Variants in NXN observed in about 807,000 individuals in gnomAD.
The protein encoded by NXN is nucleoredoxin.
NXN carries 16 observed loss-of-function variants against 48.6 expected under a neutral mutation model. The ratio of observed to expected loss-of-function variants is 0.33; its 90% CI spans 0.22 to 0.50. NXN has a LOEUF of 0.50. Ranked by LOEUF, NXN falls within the 20% of genes least tolerant of loss-of-function variation. The probability of loss-of-function intolerance (pLI) is 0.98; values close to 1 mark genes in which losing one functional copy is unlikely to be tolerated. For missense variants in NXN, 492 were observed against 605.5 expected (o/e 0.81, Z 1.97); for synonymous variants, 281 against 269.6 (o/e 1.04, Z -0.41).
Position 979,355 on chromosome 17 carries a change from C to A in NXN, c.324G>T (p.Pro108=). 6.5e-7 allele frequency: 1 copy of A among 1,537,882 alleles called. No individual in the cohort carries two copies. Among genetic ancestry groups the A allele is most frequent in the Non-Finnish European group, 8.7e-7 (1 of 1,146,848 alleles). ...RQWQDFVRDM[P]WLALPYKEKH... ...TCTCCTTGTAGGGCAGCGCCAGCCA[C>A]GGCATGTCCCGCACGAAGTCCTGCC... Residue 108 remains proline, a synonymous_variant, in exon 1 of 8, where the codon CCG becomes CCT. Coordinates refer to ENST00000336868, the MANE Select transcript of NXN (RefSeq NM_022463.5).
At chr17:918,568 G>A (rs1319499398) in intron 1 of NXN, among the ~76,000 whole-genome samples, 8 of 152,114 alleles carry the variant, frequency 5.3e-5, no homozygotes, top group African/African-American at 7.2e-5. Context: ...CGAGGCGGGC[G>A]GATCACCTGA....
chr17:934,567 T>G (rs1194039113), intron 1 of NXN, among the ~76,000 whole-genome samples: 2 of 151,944 alleles, frequency 1.3e-5, no homozygotes, highest in African/African-American at 4.8e-5. Context: ...TTCCCAAGTC[T>G]GGCCAAATTC....
intron 1 of NXN, among the ~76,000 whole-genome samples, chr17:871,124 G>A (rs1043777781): frequency 6.6e-6 from 1 of 152,054 alleles, no homozygotes; most frequent in Non-Finnish European, 1.5e-5. Context: ...GCCTCCCAAA[G>A]TGCTGGGATT....
At chr17:882,988 A>T (rs1371712607) in intron 1 of NXN, among the ~76,000 whole-genome samples, 1 of 152,168 alleles carries the variant, frequency 6.6e-6, no homozygotes, top group Non-Finnish European at 1.5e-5. Context: ...TCCTGACCTC[A>T]GGTGATCTGT....
chr17:804,913 T>C (rs190201215), intron 6 of NXN, among the ~76,000 whole-genome samples, 155 bp downstream of exon 6: 20 of 152,224 alleles, frequency 1.3e-4, no homozygotes, highest in East Asian at 7.8e-4. Context: ...GAATAAATCA[T>C]TGGGGTCAAA....
intron 1 of NXN, among the ~76,000 whole-genome samples, chr17:842,092 C>T (rs565362492): frequency 9.7e-4 from 147 of 152,172 alleles, no homozygotes; most frequent in Non-Finnish European, 2.0e-3. Flanking sequence ...GCTGAGATCC[C>T]GCCATTGCAC....
At chr17:975,808 C>G (rs2069451253) in intron 1 of NXN, among the ~76,000 whole-genome samples, 1 of 152,212 alleles carries the variant, frequency 6.6e-6, no homozygotes, top group Non-Finnish European at 1.5e-5. Flanking sequence ...CCTCTCCAGT[C>G]TTGACGAGTG....
At chr17:966,381 CTT>C (rs1025043730) in intron 1 of NXN, among the ~76,000 whole-genome samples, 3 of 151,860 alleles carry the variant, frequency 2.0e-5, no homozygotes, top group Admixed American at 6.6e-5. Flanking sequence ...GAGTTTCGCT[CTT>C]GTTACCCAGG....
intron 1 of NXN, among the ~76,000 whole-genome samples, chr17:878,451 C>CA (rs2068243460): frequency 8.0e-5 from 3 of 37,518 alleles, no homozygotes. Flanking sequence ...GGTTTGCGGG[C>CA]GGGGGTGGGG....
chr17:823,400 G>GAA (rs60674309), intron 3 of NXN, among the ~76,000 whole-genome samples: 24,027 of 142,240 alleles, frequency 0.17, 1,983 homozygotes, highest in Non-Finnish European at 0.18. Flanking sequence ...CTCTGGCTCA[G>GAA]AAAAAAAAAA....
intron 1 of NXN, among the ~76,000 whole-genome samples, chr17:895,575 G>C (rs2068470703): frequency 6.6e-6 from 1 of 151,348 alleles, no homozygotes; most frequent in African/African-American, 2.4e-5. Context: ...CACTTTGGGA[G>C]GTCGAGGTGG....
intron 1 of NXN, among the ~76,000 whole-genome samples, chr17:918,376 C>T (rs1457633141): frequency 2.0e-5 from 3 of 152,168 alleles, no homozygotes; most frequent in Non-Finnish European, 2.9e-5. Context: ...CGAGTTTCAT[C>T]GCAGCGTTTC....
At chr17:911,202 C>A (rs778297805) in intron 1 of NXN, 4 of 151,984 alleles carry the variant, frequency 2.6e-5, no homozygotes, top group Non-Finnish European at 5.9e-5. Flanking sequence ...CAATAAAAAT[C>A]ATGCCCTGCC....
At chr17:883,993 C>T (rs1404111991) in intron 1 of NXN, among the ~76,000 whole-genome samples, 9 of 151,972 alleles carry the variant, frequency 5.9e-5, no homozygotes, top group African/African-American at 1.7e-4. Context: ...CCAAGACGGG[C>T]GGATCACGAG....
At chr17:895,615 A>G (rs376199638) in intron 1 of NXN, among the ~76,000 whole-genome samples, 2,769 of 149,214 alleles carry the variant, frequency 0.019, 35 homozygotes, top group East Asian at 0.071. Context: ...GATCAAGACC[A>G]TCCTGGCTAA....
intron 5 of NXN, among the ~76,000 whole-genome samples, chr17:807,113 G>T (rs1471114354): frequency 6.6e-6 from 1 of 152,152 alleles, no homozygotes; most frequent in African/African-American, 2.4e-5. Context: ...GTCCATGCCC[G>T]CTGTGTCCAT....
intron 5 of NXN, among the ~76,000 whole-genome samples, chr17:811,931 T>A (rs1912043510): frequency 7.3e-6 from 1 of 137,652 alleles, no homozygotes; most frequent in Non-Finnish European, 1.6e-5. Flanking sequence ...TTTTTTTTTT[T>A]TTTTTTTTTT....
intron 1 of NXN, among the ~76,000 whole-genome samples, chr17:977,927 T>C (rs2069481005): frequency 6.6e-6 from 1 of 152,200 alleles, no homozygotes; most frequent in Non-Finnish European, 1.5e-5. Context: ...CTCTGAGTGG[T>C]TAGTGAACCT....
intron 1 of NXN, among the ~76,000 whole-genome samples, chr17:857,493 T>C (rs2067998428): frequency 6.6e-6 from 1 of 152,146 alleles, no homozygotes; most frequent in Admixed American, 6.5e-5. Flanking sequence ...ACTCCTGCCC[T>C]CAGATGATCT....
Sources: gnomAD v4.1 joint callset for allele counts (sites outside exome capture counted in the v4.1 genomes callset) on GRCh38, gnomAD v4.1.1 for gene constraint, MANE v1.5 for transcripts, NCBI Gene and HGNC (gene_info 2026-07-23, HGNC 2026-07-21) for gene names.